BEST4: variants seen among roughly 807,000 people sequenced by gnomAD.
BEST4 encodes bestrophin-4.
BEST4 carries 36 observed loss-of-function variants against 47.1 expected under a neutral mutation model. That is an observed-to-expected ratio of 0.76 (90% CI 0.59 to 1.01). The LOEUF is 1.01. Ranked by LOEUF, BEST4 falls within the 50% of genes least tolerant of loss-of-function variation. BEST4 has a pLI of 0.00. For synonymous variants in BEST4, 250 were observed against 277.8 expected, an observed-to-expected ratio of 0.90 and a Z score of 1.00; for missense variants, 550 against 648.6, an observed-to-expected ratio of 0.85 and a Z score of 1.65.
In BEST4 at chr1:44,785,172, T is replaced by A; in HGVS notation, c.848A>T (p.Asp283Val). The change falls in exon 6 of 9, where the codon GAC becomes GTC. Residue 283 changes from aspartate to valine, a missense_variant. Physicochemically the swap from Asp to Val is radical, Grantham distance 152 (BLOSUM62 -3). Coordinates refer to ENST00000372207, the MANE Select transcript of BEST4 (RefSeq NM_153274.3). ...GGTGAGAGGCACGTACATGTCCGGG[T>A]CTCCCAGGGCTGGGGCTGGCTCCTG... ...PGQEPAPALG[D>V]PDMYVPLTTL... The A allele has an allele frequency of 6.2e-7, 1 of 1,613,922 alleles. No individual in the cohort carries two copies. Among genetic ancestry groups the A allele is most frequent in the Non-Finnish European group, 8.5e-7 (1 of 1,180,010 alleles).
chr1:44,785,523 C>A, intron 5 of BEST4, 76 bp downstream of exon 5: 1 of 1,395,864 alleles, frequency 7.2e-7, no homozygotes, highest in Non-Finnish European at 9.8e-7. Context: ...CAAGTACCAT[C>A]GCTAATTCTT....
At position 44,784,772 on chromosome 1, in the gene BEST4, T is replaced by A. The variant is rs779216302; in HGVS notation, c.1005A>T (p.Leu335=). The A allele has an allele frequency of 3.8e-6, 6 of 1,594,044 alleles. No homozygotes were observed. The highest frequency in any genetic ancestry group is 2.7e-5 in the African/African-American group (2 of 74,596). ...LIDRNLQVSL[L]SVDEMYQNLP... is the part of the protein sequence containing the mutation. Reference sequence around the variant, plus strand: ...GGTTCTGGTACATTTCGTCCACGGATAGCAGGGACACCTGGGCCACCAGCA... The same window carrying A: ...GGTTCTGGTACATTTCGTCCACGGAAAGCAGGGACACCTGGGCCACCAGCA... The change falls in exon 8 of 9, where the codon CTA becomes CTT. Residue 335 remains leucine (L), a synonymous_variant. Coordinates refer to ENST00000372207, the MANE Select transcript of BEST4 (RefSeq NM_153274.3). This position sits in a 1 kb window ranked among gnomAD's most constrained non-coding sequence, Gnocchi z 6.2.
In BEST4 at chr1:44,786,126, G is replaced by A. The variant is rs1368042877; in HGVS notation, c.584C>T (p.Ala195Val). The change falls in exon 4 of 9, where the codon GCC becomes GTC. Residue 195 changes from alanine (A) to valine (V), a missense_variant. Coordinates refer to ENST00000372207, the MANE Select transcript of BEST4 (RefSeq NM_153274.3). The surrounding 1 kb of genome is among the most constrained non-coding windows in gnomAD (Gnocchi z 4.9). ...GTCACGTATTCGCCCGTCCCTCCGG[G>A]CCTGGGCCGCCAGGTTGGTGAACCA... ...CVWFTNLAAQ[A>V]RRDGRIRDDI... 2.5e-6 allele frequency: 4 copies of A among 1,613,918 alleles called. No homozygotes were observed. In the African/African-American group the frequency reaches 5.3e-5, roughly 22 times the overall value.
Position 44,784,162 on chromosome 1 carries a change from G to A in BEST4, c.*48C>T, listed in dbSNP as rs1328538178. ...TGGCTGGCAGGACCGGGCACGGGAG[G>A]GAAGGAGGGCAGTGGGTGGGGGAAA... On this transcript the variant is annotated 3_prime_UTR_variant, in exon 9 of 9. Transcript: ENST00000372207. This position sits in a 1 kb window ranked among gnomAD's most constrained non-coding sequence, Gnocchi z 6.2. 6.6e-6 allele frequency: 9 copies of A among 1,369,758 alleles called. No individual in the cohort carries two copies. In the East Asian group the frequency reaches 2.1e-4, roughly 33 times the overall value. The allele number at this position is 1,369,758 out of a possible 1,614,324, so 84.9% of individuals were successfully genotyped here.
Position 44,787,431 on chromosome 1 carries a change from G to A in BEST4, c.188C>T (p.Ala63Val). ...LLTQEQRYVY[A>V]QVARYCNRSA... The stretch of plus-strand genomic sequence containing the variant: ...GCGGTTGCAGTACCGGGCCACCTGA[G>A]CATACACGTACCTCTGCTCCTGGGT... Residue 63 changes from alanine to valine, a missense_variant, in exon 2 of 9, where the codon GCT becomes GTT. Around this residue, in one of 3 missense-constraint regions of BEST4, gnomAD observed 291 missense variants for 342.4 expected, o/e 0.85. Transcript: ENST00000372207. 6.2e-7 allele frequency: 1 copy of A among 1,614,182 alleles called. No homozygotes were observed.
rs1651312241 is a variant in BEST4, at chr1:44,788,104, G to A, written c.-399C>T. On this transcript the variant is annotated 5_prime_UTR_variant, in exon 1 of 9. Transcript: ENST00000372207. ...ATTAACTAGAACTACCAGGGCCCAGGGCACTCTCACCCCCATCCCATACCT... is the reference window on the plus strand; with the variant it reads ...ATTAACTAGAACTACCAGGGCCCAGAGCACTCTCACCCCCATCCCATACCT... Among the ~76,000 whole-genome samples, 1 of 152,194 alleles carries A rather than the reference G, an allele frequency of 6.6e-6. No individual in the cohort carries two copies. The highest frequency in any genetic ancestry group is 1.5e-5 in the Non-Finnish European group (1 of 68,030).
downstream of BEST4, among the ~76,000 whole-genome samples, chr1:44,783,100 A>C (rs1651089502): frequency 6.6e-6 from 1 of 152,094 alleles, no homozygotes; most frequent in South Asian, 2.1e-4. Context: ...GATTACAGGC[A>C]TCCACCACCA....
downstream of BEST4, among the ~76,000 whole-genome samples, chr1:44,782,666 A>AAATAAAT (rs568996145): frequency 6.1e-5 from 9 of 146,656 alleles, no homozygotes; most frequent in Non-Finnish European, 7.4e-5. Context: ...ATAAATAAAT[A>AAATAAAT]AATAAGAAAT....
chr1:44,792,435 A>C (rs1651436666), upstream of BEST4, among the ~76,000 whole-genome samples: 1 of 151,730 alleles, frequency 6.6e-6, no homozygotes. Flanking sequence ...TCAAAAAAAA[A>C]AAAAAAAAAA....
Position 44,784,502 on chromosome 1 carries a change from G to GGGGGCC in BEST4, c.1149-20_1149-19insGGCCCC. 4 of 399,740 alleles carry GGGGGCC rather than the reference G, an allele frequency of 1.0e-5. No homozygotes were observed. Among genetic ancestry groups the GGGGGCC allele is most frequent in the East Asian group, 7.8e-5 (1 of 12,782 alleles). The allele number at this position is 399,740 out of a possible 1,614,324, so 24.8% of individuals were successfully genotyped here. A position where few individuals can be genotyped will look rare whatever the true frequency, so the allele number is the denominator to read the frequency against. Reference sequence around the variant, plus strand: ...GCTCATGCTGCGGGCGGGAGGGCGGGCTGAGCCGGGGCACAGGGCGGGAGC... The same window carrying GGGGGCC: ...GCTCATGCTGCGGGCGGGAGGGCGGGGGGGCCCTGAGCCGGGGCACAGGGCGGGAGC... On this transcript the variant is annotated intron_variant, in intron 8 of 8. Coordinates refer to ENST00000372207, the MANE Select transcript of BEST4 (RefSeq NM_153274.3). The surrounding 1 kb of genome is among the most constrained non-coding windows in gnomAD (Gnocchi z 6.2).
At position 44,786,015 on chromosome 1, in the gene BEST4, T is replaced by G; in HGVS notation, c.636+59A>C. The G allele has an allele frequency of 6.5e-7, 1 of 1,527,078 alleles. No individual in the cohort carries two copies. The highest frequency in any genetic ancestry group is 8.8e-7 in the Non-Finnish European group (1 of 1,138,362). The allele number at this position is 1,527,078 out of a possible 1,614,324, so 94.6% of individuals were successfully genotyped here. A position where few individuals can be genotyped will look rare whatever the true frequency, so the allele number is the denominator to read the frequency against. On this transcript the variant is annotated intron_variant, in intron 4 of 8. Coordinates refer to ENST00000372207, the MANE Select transcript of BEST4 (RefSeq NM_153274.3). The surrounding 1 kb of genome is among the most constrained non-coding windows in gnomAD (Gnocchi z 4.9). ...TACAACTGTTAGGTATTAAAATTAT[T>G]ATTCATCTTTAAAATTAGAGGGAGG...
In BEST4 at chr1:44,784,507, G is replaced by C; in HGVS notation, c.1149-24C>G. 6.8e-7 allele frequency: 1 copy of C among 1,478,444 alleles called. No homozygotes were observed. The highest frequency in any genetic ancestry group is 1.4e-5 in the South Asian group (1 of 73,550). 91.6% of individuals were successfully genotyped at this position (1,478,444 alleles called of 1,614,324 possible). On this transcript the variant is annotated intron_variant, in intron 8 of 8. Transcript: ENST00000372207. The surrounding 1 kb of genome is among the most constrained non-coding windows in gnomAD (Gnocchi z 6.2). ...TGCTGCGGGCGGGAGGGCGGGCTGA[G>C]CCGGGGCACAGGGCGGGAGCGGGGA...
At chr1:44,788,827 TC>T (rs981798514), upstream of BEST4, among the ~76,000 whole-genome samples, 3 of 152,194 alleles carry the variant, frequency 2.0e-5, no homozygotes, top group African/African-American at 4.8e-5. Flanking sequence ...CAGCCACAGA[TC>T]TGGAAGCTCA....
upstream of BEST4, among the ~76,000 whole-genome samples, chr1:44,789,730 A>G (rs1340977980): frequency 6.6e-6 from 1 of 152,132 alleles, no homozygotes; most frequent in Non-Finnish European, 1.5e-5. Context: ...AAAAGAAAAG[A>G]AAAGAAATAG....
chr1:44,782,072 G>A (rs1651055934), downstream of BEST4, among the ~76,000 whole-genome samples: 1 of 152,166 alleles, frequency 6.6e-6, no homozygotes, highest in South Asian at 2.1e-4. Flanking sequence ...GCTGAGGCAT[G>A]AGAATCTCTT....
upstream of BEST4, among the ~76,000 whole-genome samples, chr1:44,788,313 G>A (rs368489669): frequency 1.3e-5 from 2 of 152,230 alleles, no homozygotes; most frequent in African/African-American, 4.8e-5. Context: ...TACCCCTGTA[G>A]GGTTGGGCTG....
chr1:44,788,291 G>C (rs142975389), upstream of BEST4, among the ~76,000 whole-genome samples: 5 of 152,292 alleles, frequency 3.3e-5, no homozygotes, highest in Admixed American at 1.3e-4. Flanking sequence ...CTGGGAACTG[G>C]GTGTGTCTCC....
upstream of BEST4, among the ~76,000 whole-genome samples, chr1:44,789,821 G>T (rs868179585): frequency 3.2e-4 from 49 of 152,194 alleles, no homozygotes; most frequent in African/African-American, 1.0e-3. Flanking sequence ...TCCCAAGAGT[G>T]GTGGTCCTGC....
chr1:44,790,838 G>A (rs1159346571), upstream of BEST4, among the ~76,000 whole-genome samples: 1 of 152,144 alleles, frequency 6.6e-6, no homozygotes, highest in African/African-American at 2.4e-5. Context: ...TTGAGCCCAG[G>A]AGTTTGAGGC....
Sources: gnomAD v4.1 joint callset for allele counts (sites outside exome capture counted in the v4.1 genomes callset) on GRCh38, gnomAD v4.1.1 for gene constraint, gnomAD v4.1.1 regional missense constraint, Gnocchi (gnomAD v3.1) non-coding constraint, MANE v1.5 for transcripts, NCBI Gene and HGNC (gene_info 2026-07-23, HGNC 2026-07-21) for gene names.